The following PPFIBP2 variants were observed in gnomAD, a reference collection of about 807,000 sequenced individuals.
PPFIBP2 encodes the protein PPFIB scaffold protein 2, also known as liprin-beta-2.
PPFIBP2 carries 118 observed loss-of-function variants against 118.3 expected under a neutral mutation model. The observed-to-expected ratio is 1.00, with a 90% confidence interval of 0.86 to 1.16. The LOEUF is 1.16. Ranked by LOEUF, PPFIBP2 falls within the 50% of genes most tolerant of loss-of-function variation. PPFIBP2 has a pLI of 0.00. For synonymous variants in PPFIBP2, 414 were observed against 397.4 expected, an observed-to-expected ratio of 1.04 and a Z score of -0.50; for missense variants, 1,195 against 1,073.1, an observed-to-expected ratio of 1.11 and a Z score of -1.59.
At chr11:7,530,542 T>G (rs1184302818) in intron 1 of PPFIBP2, among the ~76,000 whole-genome samples, 1 of 152,224 alleles carries the variant, frequency 6.6e-6, no homozygotes, top group African/African-American at 2.4e-5. Flanking sequence ...TTCCACCATG[T>G]GAGGACATAG....
intron 6 of PPFIBP2, among the ~76,000 whole-genome samples, chr11:7,615,661 G>T (rs1391656301): frequency 6.6e-6 from 1 of 152,202 alleles, no homozygotes; most frequent in East Asian, 1.9e-4. Context: ...ACTCTACTCA[G>T]AGGGTAGAAG....
chr11:7,522,860 A>T (rs1849887793), intron 1 of PPFIBP2, among the ~76,000 whole-genome samples: 1 of 152,032 alleles, frequency 6.6e-6, no homozygotes, highest in Non-Finnish European at 1.5e-5. Context: ...ACGTGTATTA[A>T]TTTTCTTCTG....
chr11:7,648,714 A>C, intron 18 of PPFIBP2, 86 bp from the exon 19 acceptor site: 1 of 1,454,672 alleles, frequency 6.9e-7, no homozygotes, highest in Non-Finnish European at 9.6e-7. Context: ...TGCCATACTC[A>C]GAGCATCTCC....
In PPFIBP2 at chr11:7,574,458, T is replaced by G. The variant is rs1856032707; in HGVS notation, c.279+8691T>G. On this transcript the variant is annotated intron_variant, in intron 3 of 23. Transcript: ENST00000299492. ...TACCTCGGCCAATTAAAAGCTGGGC[T>G]TCTAGCCTTTTGGGAGTCATGGACT... Among the ~76,000 whole-genome samples the G allele has an allele frequency of 1.3e-5, 2 of 152,240 alleles. 1 individual carries two copies. The highest frequency in any genetic ancestry group is 4.1e-4 in the South Asian group (2 of 4,826).
At chr11:7,604,984 G>A (rs1475091330) in intron 5 of PPFIBP2, among the ~76,000 whole-genome samples, 1 of 152,236 alleles carries the variant, frequency 6.6e-6, no homozygotes, top group Admixed American at 6.5e-5. Context: ...GTATGGGAAT[G>A]TATGAAGAGT....
Position 7,617,310 on chromosome 11 carries a change from A to G in PPFIBP2, c.619-3625A>G, listed in dbSNP as rs1274851941. Reference sequence around the variant, plus strand: ...GGGGTCACCTGTAGGAACCACACTTAAGTATATCAGAGCATGCGTGTGTGG... The same window carrying G: ...GGGGTCACCTGTAGGAACCACACTTGAGTATATCAGAGCATGCGTGTGTGG... On this transcript the variant is annotated intron_variant, in intron 6 of 23. Coordinates refer to ENST00000299492, the MANE Select transcript of PPFIBP2 (RefSeq NM_003621.5). The G allele has an allele frequency of 3.0e-6, 3 of 985,130 alleles. No individual in the cohort carries two copies. In the Admixed American group the frequency reaches 1.8e-4, roughly 61 times the overall value. 61.0% of individuals were successfully genotyped at this position (985,130 alleles called of 1,614,324 possible).
intron 16 of PPFIBP2, chr11:7,641,933 C>G: frequency 2.4e-6 from 1 of 423,890 alleles, no homozygotes; most frequent in Non-Finnish European, 4.2e-6. Context: ...AGACTGTATT[C>G]TCCCTTCTTA....
intron 5 of PPFIBP2, among the ~76,000 whole-genome samples, chr11:7,603,893 A>T (rs1035230052): frequency 3.3e-5 from 5 of 152,146 alleles, no homozygotes; most frequent in African/African-American, 9.7e-5. Context: ...TGCACAGGGA[A>T]CCTTCAAACA....
rs1237248919 is a variant in PPFIBP2, at chr11:7,585,164, C to T, written c.280-7968C>T. Reference sequence around the variant, plus strand: ...TGTACTGTGGCCAAGATCCTGAAGGCACTGGAATTTATAGCTTATTAGAAG... The same window carrying T: ...TGTACTGTGGCCAAGATCCTGAAGGTACTGGAATTTATAGCTTATTAGAAG... On this transcript the variant is annotated intron_variant, in intron 3 of 23. Transcript: ENST00000299492. Among the ~76,000 whole-genome samples the T allele has an allele frequency of 1.3e-5, 2 of 152,116 alleles. 1 individual carries two copies. The highest frequency in any genetic ancestry group is 2.9e-5 in the Non-Finnish European group (2 of 68,026).
At chr11:7,548,501 T>A (rs529693797) in intron 1 of PPFIBP2, 28 of 152,344 alleles carry the variant, frequency 1.8e-4, no homozygotes, top group African/African-American at 6.5e-4. Flanking sequence ...TTTACAGACG[T>A]GAGCTAATTC....
At chr11:7,571,850 AG>A (rs1855687710) in intron 3 of PPFIBP2, 1 of 152,222 alleles carries the variant, frequency 6.6e-6, no homozygotes, top group Non-Finnish European at 1.5e-5. Flanking sequence ...AGAAGCCACT[AG>A]GTGGGAGTCA....
chr11:7,648,771 C>G, intron 18 of PPFIBP2, 29 bp from the exon 19 acceptor site: 3 of 1,604,544 alleles, frequency 1.9e-6, no homozygotes, highest in Non-Finnish European at 2.6e-6. Context: ...GCCAAAATTT[C>G]ACATGTGGTC....
chr11:7,641,396 A>T (rs1852171630), intron 15 of PPFIBP2, 83 bp from the exon 16 acceptor site: 2 of 1,476,636 alleles, frequency 1.4e-6, no homozygotes, highest in African/African-American at 2.8e-5. Context: ...ACTCCCACTG[A>T]AGGGGAGGGC....
intron 5 of PPFIBP2, among the ~76,000 whole-genome samples, chr11:7,606,474 CAG>C (rs1052136992): frequency 3.3e-5 from 5 of 152,076 alleles, no homozygotes; most frequent in South Asian, 4.2e-4. Flanking sequence ...GTAATCATGA[CAG>C]GGGCAAGGGG....
chr11:7,617,919 G>GC lies in PPFIBP2; in HGVS notation c.619-3016_619-3015insC, dbSNP rs1003293196. On this transcript the variant is annotated intron_variant, in intron 6 of 23. Transcript: ENST00000299492. ...GATTCTGGACTTGGCTCTCCACACG[G>GC]GGGTAACCTGGTCCTCTGTGACTTT... 6.3e-3 allele frequency among the ~76,000 whole-genome samples: 952 copies of GC among 152,136 alleles called. 8 individuals are homozygous for GC. The highest frequency in any genetic ancestry group is 0.021 in the African/African-American group (885 of 41,490).
At chr11:7,639,013 T>G (rs757153360) in intron 14 of PPFIBP2, among the ~76,000 whole-genome samples, 6 of 152,248 alleles carry the variant, frequency 3.9e-5, no homozygotes, top group Non-Finnish European at 7.3e-5. Context: ...ATCTTCATGC[T>G]TGCCTTAACA....
At chr11:7,590,948 AT>A (rs1859158797) in intron 3 of PPFIBP2, among the ~76,000 whole-genome samples, 1 of 152,104 alleles carries the variant, frequency 6.6e-6, no homozygotes, top group African/African-American at 2.4e-5. Flanking sequence ...AATTGATTTG[AT>A]TTTACCATAC....
Position 7,549,405 on chromosome 11 carries a change from G to A in PPFIBP2, c.-36-35G>A, listed in dbSNP as rs888326404. 9.1e-6 allele frequency: 14 copies of A among 1,535,114 alleles called. No individual in the cohort carries two copies. In the Admixed American group the frequency reaches 2.4e-4, roughly 26 times the overall value. ...TTGTGTGCGTAACATGGAACTCTCT[G>A]TAATTTTTCCTTTGTTCTGTATTTG... On this transcript the variant is annotated intron_variant, in intron 1 of 23. Coordinates refer to ENST00000299492, the MANE Select transcript of PPFIBP2 (RefSeq NM_003621.5).
chr11:7,522,477 C>T (rs757179167), intron 1 of PPFIBP2, among the ~76,000 whole-genome samples: 5 of 152,188 alleles, frequency 3.3e-5, no homozygotes, highest in Non-Finnish European at 5.9e-5. Flanking sequence ...GAGAAACCTA[C>T]CCAAGATCAC....
Sources: gnomAD v4.1 joint callset for allele counts (sites outside exome capture counted in the v4.1 genomes callset) on GRCh38, gnomAD v4.1.1 for gene constraint, MANE v1.5 for transcripts, NCBI Gene and HGNC (gene_info 2026-07-23, HGNC 2026-07-21) for gene names.